The following ZBTB16 variants were observed in gnomAD, a reference collection of about 807,000 sequenced individuals.
The protein encoded by ZBTB16 is zinc finger and BTB domain-containing protein 16.
In ZBTB16, 8 loss-of-function variants were observed where a neutral mutation model predicts 56.8. The observed-to-expected ratio is 0.14, with a 90% CI of 0.08 to 0.25. The LOEUF is 0.25. Ranked by LOEUF, ZBTB16 falls within the 10% of genes least tolerant of loss-of-function variation. ZBTB16 has a pLI of 1.00. For missense variants in ZBTB16, 625 were observed against 903.0 expected (o/e 0.69, Z 3.95); for synonymous variants, 363 against 368.5 (o/e 0.98, Z 0.17).
chr11:114,202,863 A>AT (rs961298134), intron 4 of ZBTB16, among the ~76,000 whole-genome samples: 7 of 152,050 alleles, frequency 4.6e-5, no homozygotes, highest in Admixed American at 1.3e-4. Context: ...GAAGTCTCAG[A>AT]TTTTTTTTAA....
At chr11:114,242,073 T>G in intron 4 of ZBTB16, 94 bp from the exon 5 acceptor site, 2 of 1,504,944 alleles carry the variant, frequency 1.3e-6, no homozygotes, top group East Asian at 2.3e-5. Flanking sequence ...GATTTGGAGG[T>G]GTGAGTCCCG....
intron 2 of ZBTB16, among the ~76,000 whole-genome samples, chr11:114,155,004 G>T (rs1942372196): frequency 6.6e-6 from 1 of 151,688 alleles, no homozygotes; most frequent in Non-Finnish European, 1.5e-5. Flanking sequence ...TGGAAGGGTG[G>T]GTGGCTCGGT....
At chr11:114,139,802 T>G (rs1941898262) in intron 2 of ZBTB16, among the ~76,000 whole-genome samples, 1 of 152,144 alleles carries the variant, frequency 6.6e-6, no homozygotes, top group Non-Finnish European at 1.5e-5. Flanking sequence ...ACCCTGATAT[T>G]CACGCAAAGA....
At chr11:114,072,160 C>T (rs1051691520) in intron 2 of ZBTB16, among the ~76,000 whole-genome samples, 3 of 152,246 alleles carry the variant, frequency 2.0e-5, no homozygotes, top group Non-Finnish European at 4.4e-5. Context: ...CCTGCTTTCT[C>T]CCTGAGACCG....
intron 4 of ZBTB16, among the ~76,000 whole-genome samples, chr11:114,216,962 T>C (rs1396145894): frequency 1.3e-5 from 2 of 152,292 alleles, no homozygotes; most frequent in Non-Finnish European, 2.9e-5. Flanking sequence ...CACAGGATAC[T>C]GTGGTAGCCC....
chr11:114,107,052 T>A (rs1940817883), intron 2 of ZBTB16, among the ~76,000 whole-genome samples: 1 of 152,110 alleles, frequency 6.6e-6, no homozygotes, highest in Non-Finnish European at 1.5e-5. Context: ...CACATACATA[T>A]AGATGCCCCT....
At chr11:114,166,218 G>A (rs1312288083) in intron 3 of ZBTB16, among the ~76,000 whole-genome samples, 5 of 151,264 alleles carry the variant, frequency 3.3e-5, no homozygotes, top group African/African-American at 1.2e-4. Flanking sequence ...GTGTGTGTGT[G>A]TGTGTGTGTG....
At chr11:114,078,625 C>T (rs1423322821) in intron 2 of ZBTB16, among the ~76,000 whole-genome samples, 1 of 152,022 alleles carries the variant, frequency 6.6e-6, no homozygotes, top group South Asian at 2.1e-4. Flanking sequence ...GGGACAGACT[C>T]ACTGGGAAGT....
rs1942016001 is a variant in ZBTB16, at chr11:114,143,495, T to C, written c.1269-12842T>C. 6.6e-6 allele frequency among the ~76,000 whole-genome samples: 1 copy of C among 152,162 alleles called. No individual in the cohort carries two copies. Among genetic ancestry groups the C allele is most frequent in the African/African-American group, 2.4e-5 (1 of 41,436 alleles). On this transcript the variant is annotated intron_variant, in intron 2 of 6. Transcript: ENST00000335953. The surrounding 1 kb of genome is among the most constrained non-coding windows in gnomAD (Gnocchi z 6.4). Reference sequence around the variant, plus strand: ...AGGCTTCTAGGGATGGTACTGACCCTCTTGCCTAGTGAAATGTCCTTTTGG... The same window carrying C: ...AGGCTTCTAGGGATGGTACTGACCCCCTTGCCTAGTGAAATGTCCTTTTGG...
rs1364743556 is a variant in ZBTB16, at chr11:114,233,113, ACACACACACACACTCT to A, written c.1454-9052_1454-9037del. ...CACACACACACACACACACACACAC[ACACACACACACACTCT>A]CTCTCTCTCACACTCCCTTTCCTTC... is the stretch of plus-strand genomic sequence containing the variant. On this transcript the variant is annotated intron_variant, in intron 4 of 6. Transcript: ENST00000335953. 1.1e-3 allele frequency among the ~76,000 whole-genome samples: 59 copies of A among 52,980 alleles called. 2 individuals are homozygous for A. Among genetic ancestry groups the A allele is most frequent in the East Asian group, 0.011 (12 of 1,118 alleles). The allele number at this position is 52,980 out of a possible 152,430, so 34.8% of individuals were successfully genotyped here. A position where few individuals can be genotyped will look rare whatever the true frequency, so the allele number is the denominator to read the frequency against.
chr11:114,077,470 C>G (rs974391632), intron 2 of ZBTB16, among the ~76,000 whole-genome samples: 5 of 147,464 alleles, frequency 3.4e-5, no homozygotes, highest in African/African-American at 1.3e-4. Flanking sequence ...GTTTTCTATG[C>G]ATTTTTTTTT....
At chr11:114,223,058 GT>G (rs1944263495) in intron 4 of ZBTB16, among the ~76,000 whole-genome samples, 1 of 152,200 alleles carries the variant, frequency 6.6e-6, no homozygotes, top group Non-Finnish European at 1.5e-5. Flanking sequence ...TTGTTGTCAG[GT>G]TTGACTTCAG....
intron 2 of ZBTB16, among the ~76,000 whole-genome samples, chr11:114,092,982 G>A (rs1338728080): frequency 1.3e-5 from 2 of 152,110 alleles, no homozygotes; most frequent in Non-Finnish European, 2.9e-5. Context: ...TGTAGAATAT[G>A]TGAAAACACA....
At chr11:114,177,392 A>C (rs568212380) in intron 3 of ZBTB16, among the ~76,000 whole-genome samples, 1 of 152,244 alleles carries the variant, frequency 6.6e-6, no homozygotes, top group East Asian at 1.9e-4. Flanking sequence ...CTGGGATTAC[A>C]GGCATGTGCC....
intron 3 of ZBTB16, among the ~76,000 whole-genome samples, chr11:114,170,305 C>T (rs1942923015): frequency 6.6e-6 from 1 of 152,206 alleles, no homozygotes; most frequent in Non-Finnish European, 1.5e-5. Context: ...ACAGAGTTGG[C>T]CACCCTGGAG....
chr11:114,110,758 A>C (rs1940975768), intron 2 of ZBTB16, among the ~76,000 whole-genome samples: 1 of 152,200 alleles, frequency 6.6e-6, no homozygotes. Context: ...TACGTAATAA[A>C]AAGCTTCATT....
chr11:114,189,400 A>G (rs1943438845), intron 4 of ZBTB16: 1 of 152,194 alleles, frequency 6.6e-6, no homozygotes, highest in African/African-American at 2.4e-5. Context: ...ACCCACTACA[A>G]TGTGGCTACA....
At chr11:114,225,671 A>C (rs998408820) in intron 4 of ZBTB16, among the ~76,000 whole-genome samples, 3 of 152,160 alleles carry the variant, frequency 2.0e-5, no homozygotes, top group Non-Finnish European at 4.4e-5. Flanking sequence ...CCACCTCCCA[A>C]CACTGCTGCA....
rs1279228272 is a variant in ZBTB16, at chr11:114,114,095, C to A, written c.1269-42242C>A. 1.3e-5 allele frequency among the ~76,000 whole-genome samples: 2 copies of A among 152,180 alleles called. 1 individual carries two copies. The highest frequency in any genetic ancestry group is 4.8e-5 in the African/African-American group (2 of 41,434). ...GTAGAAATAGTGCTGTTTCTATCTC[C>A]ATGATTTATTTTCGGGAAATAAGTA... On this transcript the variant is annotated intron_variant, in intron 2 of 6. Transcript: ENST00000335953.
Sources: gnomAD v4.1 joint callset for allele counts (sites outside exome capture counted in the v4.1 genomes callset) on GRCh38, gnomAD v4.1.1 for gene constraint, Gnocchi (gnomAD v3.1) non-coding constraint, MANE v1.5 for transcripts, NCBI Gene and HGNC (gene_info 2026-07-23, HGNC 2026-07-21) for gene names.